LBHD1: variants seen among roughly 807,000 people sequenced by gnomAD.
LBHD1 encodes LBH domain containing 1, also known as LBH domain-containing protein 1.
Under a neutral mutation model 31.1 loss-of-function variants are expected in LBHD1, and 28 were observed. The observed-to-expected ratio is 0.90, with a 90% CI of 0.67 to 1.24. The LOEUF (loss-of-function observed/expected upper bound fraction) is 1.24. Ranked by LOEUF, LBHD1 falls within the 50% of genes most tolerant of loss-of-function variation. The probability of loss-of-function intolerance (pLI) is 0.00; values close to 1 mark genes in which losing one functional copy is unlikely to be tolerated. For missense variants in LBHD1, 350 were observed against 323.0 expected, an observed-to-expected ratio of 1.08 and a Z score of -0.64; for synonymous variants, 105 against 116.5, an observed-to-expected ratio of 0.90 and a Z score of 0.63.
Position 62,667,661 on chromosome 11 carries a change from C to G in LBHD1, c.400G>C (p.Asp134His), listed in dbSNP as rs1202298437. ...GTGTCCTCAAGAATCCAACAAGCAT[C>G]TTCTTCATCCTGGTCCTGCCCCCAG... The part of the protein sequence containing the change: ...LSWGQDQDEE[D>H]ACWILEDTAC... Residue 134 changes from aspartate (D) to histidine (H), a missense_variant, in exon 4 of 7, where the codon GAT (aspartate) becomes CAT (histidine). Physicochemically the swap from Asp to His is moderately conservative, Grantham distance 81. Transcript: ENST00000354588. The G allele has an allele frequency of 6.2e-7, 1 of 1,612,952 alleles. No homozygotes were observed. Among genetic ancestry groups the G allele is most frequent in the Non-Finnish European group, 8.5e-7 (1 of 1,179,532 alleles).
At chr11:62,667,297 AAG>A in intron 4 of LBHD1, 1 of 639,550 alleles carries the variant, frequency 1.6e-6, no homozygotes, top group African/African-American at 1.8e-5. Flanking sequence ...GAATGCTGAA[AAG>A]AGAAGGTACA....
chr11:62,669,562 G>A (rs1164034371), intron 3 of LBHD1, 79 bp downstream of exon 3: 4 of 1,544,828 alleles, frequency 2.6e-6, no homozygotes, highest in Non-Finnish European at 3.5e-6. Context: ...TGAATGCAGG[G>A]GCCGTAACTG....
At chr11:62,671,194 G>A (rs1420537588) in intron 1 of LBHD1, 2 of 450,066 alleles carry the variant, frequency 4.4e-6, no homozygotes, top group Non-Finnish European at 8.9e-6. Context: ...ACGAGAAAAG[G>A]AATAGGTTGT....
At chr11:62,667,235 T>A (rs1216623547) in intron 4 of LBHD1, 3 of 670,594 alleles carry the variant, frequency 4.5e-6, no homozygotes, top group Non-Finnish European at 7.5e-6. Context: ...TGAGAATAAC[T>A]TGGAGTTACG....
chr11:62,671,871 A>G lies in LBHD1; in HGVS notation c.-318T>C, dbSNP rs117938154. 1.5e-5 allele frequency: 25 copies of G among 1,613,952 alleles called. No homozygotes were observed. Among genetic ancestry groups the G allele is most frequent in the Non-Finnish European group, 2.0e-5 (24 of 1,179,928 alleles). On this transcript the variant is annotated 5_prime_UTR_variant, in exon 1 of 7. Coordinates refer to ENST00000354588, the MANE Select transcript of LBHD1 (RefSeq NM_024099.5). Reference sequence around the variant, plus strand: ...GGAAGCAGGAAATGCTAAAGGTAGAAGCAACTGGTAGTCCCGAGGAAGGGT... The same window carrying G: ...GGAAGCAGGAAATGCTAAAGGTAGAGGCAACTGGTAGTCCCGAGGAAGGGT...
In LBHD1 at chr11:62,667,756, G is replaced by A. The variant is rs1038990864; in HGVS notation, c.314-9C>T. 3 of 1,569,912 alleles carry A rather than the reference G, an allele frequency of 1.9e-6. No individual in the cohort carries two copies. In the African/African-American group the frequency reaches 4.1e-5, roughly 21 times the overall value. Reference sequence around the variant, plus strand: ...TGGGCTCCAAGCCCAGCCTGGGATGGAGGAAGAGAGGGGACAAAAATATTA... The same window carrying A: ...TGGGCTCCAAGCCCAGCCTGGGATGAAGGAAGAGAGGGGACAAAAATATTA... On this transcript the variant is annotated splice_polypyrimidine_tract_variant and intron_variant, in intron 3 of 6. Transcript: ENST00000354588.
rs751747763 is a variant in LBHD1, at chr11:62,664,853, G to C, written c.659C>G (p.Ala220Gly). The C allele has an allele frequency of 6.4e-7, 1 of 1,567,624 alleles. No homozygotes were observed. The highest frequency in any genetic ancestry group is 2.4e-5 in the East Asian group (1 of 42,320). The change falls in exon 5 of 7, where the codon GCG (alanine) becomes GGG (glycine). Residue 220 changes from alanine to glycine, a missense_variant. By Grantham distance (60) the Ala-to-Gly change is moderately conservative. Coordinates refer to ENST00000354588, the MANE Select transcript of LBHD1 (RefSeq NM_024099.5). ...GGAAGAGGGTCTAGTACTTACGCCCGCTTCTTGAGGTGGTGCCGCGTGATC... is the reference window on the plus strand; with the variant it reads ...GGAAGAGGGTCTAGTACTTACGCCCCCTTCTTGAGGTGGTGCCGCGTGATC... Reference protein sequence around the residue: ...RADHAAPPQEAGVQCTCQHYT... With the variant: ...RADHAAPPQEGGVQCTCQHYT...
chr11:62,669,045 C>T (rs372809651), intron 3 of LBHD1, among the ~76,000 whole-genome samples: 3 of 151,140 alleles, frequency 2.0e-5, no homozygotes, highest in Non-Finnish European at 3.0e-5. Context: ...TCCTGCCTCC[C>T]GAGTAGCTGG....
chr11:62,670,917 A>G (rs955817756), intron 1 of LBHD1: 11 of 194,706 alleles, frequency 5.6e-5, no homozygotes, highest in Admixed American at 3.4e-4. Context: ...CTCAAAAAGC[A>G]AAAAAGAAAA....
At chr11:62,667,404 T>G (rs775568658) in intron 4 of LBHD1, 119 bp downstream of exon 4, 2 of 1,008,762 alleles carry the variant, frequency 2.0e-6, no homozygotes, top group Non-Finnish European at 3.1e-6. Flanking sequence ...TTGTATAATC[T>G]AGTGGCCTAA....
rs747078675 is a variant in LBHD1 at position 62,670,090 on chromosome 11, G to A, written c.-10-49C>T. On this transcript the variant is annotated intron_variant, in intron 1 of 6. Transcript: ENST00000354588. Reference sequence around the variant, plus strand: ...TCAGAGGAGAGTACTGCTGCCCAGTGCACCCCACAAACTGTTCCTTTAATC... The same window carrying A: ...TCAGAGGAGAGTACTGCTGCCCAGTACACCCCACAAACTGTTCCTTTAATC... 825 of 1,530,674 alleles carry A rather than the reference G, an allele frequency of 5.4e-4. 1 individual carries two copies. Among genetic ancestry groups the A allele is most frequent in the Non-Finnish European group, 6.8e-4 (776 of 1,133,890 alleles). The allele number at this position is 1,530,674 out of a possible 1,614,324, so 94.8% of individuals were successfully genotyped here. A position where few individuals can be genotyped will look rare whatever the true frequency, so the allele number is the denominator to read the frequency against.
intron 3 of LBHD1, chr11:62,668,134 A>G (rs2134640149): frequency 5.4e-6 from 1 of 185,708 alleles, no homozygotes; most frequent in Admixed American, 5.3e-5. Flanking sequence ...TTTCTCATTT[A>G]TAAAGGGGAA....
At chr11:62,669,141 C>T (rs995237606) in intron 3 of LBHD1, among the ~76,000 whole-genome samples, 4 of 152,004 alleles carry the variant, frequency 2.6e-5, no homozygotes, top group Non-Finnish European at 5.9e-5. Flanking sequence ...AGGATGGTCT[C>T]GATCTCCTGA....
chr11:62,670,133 C>T (rs1944913257), intron 1 of LBHD1, 92 bp from the exon 2 acceptor site: 1 of 1,322,786 alleles, frequency 7.6e-7, no homozygotes, highest in Admixed American at 2.4e-5. Flanking sequence ...GAGCCTGGCC[C>T]CTTAAGCACC....
intron 3 of LBHD1, among the ~76,000 whole-genome samples, chr11:62,668,924 T>C (rs1017342243): frequency 1.3e-4 from 20 of 151,878 alleles, no homozygotes; most frequent in African/African-American, 4.6e-4. Flanking sequence ...TTGGGGTAAT[T>C]TTTTTTGTTT....
At chr11:62,663,478 G>A (rs572379586) in intron 5 of LBHD1, 145 bp from the exon 6 acceptor site, 5 of 749,946 alleles carry the variant, frequency 6.7e-6, no homozygotes, top group East Asian at 5.9e-5. Context: ...AGGCCGAGGC[G>A]GCTGGATCAC....
chr11:62,663,415 G>A, intron 5 of LBHD1, 82 bp from the exon 6 acceptor site: 2 of 1,426,218 alleles, frequency 1.4e-6, no homozygotes, highest in Non-Finnish European at 1.9e-6. Context: ...TATAGAAAAA[G>A]TATTAAATAG....
At chr11:62,664,347 T>TTG (rs1376818793) in intron 5 of LBHD1, among the ~76,000 whole-genome samples, 6 of 145,362 alleles carry the variant, frequency 4.1e-5, no homozygotes, top group African/African-American at 1.3e-4. Flanking sequence ...TTTTTTTTTT[T>TTG]TGAGACGGAG....
At chr11:62,666,711 C>G in intron 4 of LBHD1, 3 of 1,614,118 alleles carry the variant, frequency 1.9e-6, no homozygotes, top group Middle Eastern at 3.3e-4. Flanking sequence ...GGCCAAACAC[C>G]TCTATGCCCT....
Sources: allele counts gnomAD v4.1 joint callset (sites outside exome capture counted in the v4.1 genomes callset), GRCh38; gene constraint gnomAD v4.1.1; transcripts MANE v1.5; gene names NCBI Gene and HGNC (gene_info 2026-07-23, HGNC 2026-07-21).